NAV3: variants seen among roughly 807,000 people sequenced by gnomAD.
NAV3 encodes the protein neuron navigator 3, also known as pore membrane and/or filament interacting like protein 1.
NAV3 carries 87 observed loss-of-function variants against 244.7 expected under a neutral mutation model. The ratio of observed to expected loss-of-function variants is 0.36; its 90% confidence interval spans 0.30 to 0.42. The LOEUF (loss-of-function observed/expected upper bound fraction) is 0.42. NAV3 is among the 20% of genes least tolerant of loss of function. NAV3 has a pLI of 1.00. For missense variants in NAV3, 2,663 were observed against 2,893.3 expected (o/e 0.92, Z 1.83); for synonymous variants, 1,126 against 1,042.2 (o/e 1.08, Z -1.55).
intron 39 of NAV3, among the ~76,000 whole-genome samples, chr12:78,209,760 T>C (rs1245496702): frequency 3.3e-5 from 5 of 152,146 alleles, no homozygotes; most frequent in East Asian, 3.8e-4. Flanking sequence ...CAGATGATAG[T>C]TTTTGTTTTC....
intron 5 of NAV3, among the ~76,000 whole-genome samples, chr12:77,979,789 G>T (rs74848288): frequency 9.5e-4 from 143 of 151,034 alleles, no homozygotes; most frequent in African/African-American, 3.3e-3. Context: ...GATGTTTTGT[G>T]ACCCCAGTCA....
intron 1 of NAV3, among the ~76,000 whole-genome samples, chr12:77,912,337 T>C (rs1223147619): frequency 1.3e-5 from 2 of 152,076 alleles, no homozygotes; most frequent in African/African-American, 4.8e-5. Context: ...AAGCCATGTG[T>C]CTACAGGCCA....
At chr12:77,992,711 G>A (rs974949914) in intron 5 of NAV3, among the ~76,000 whole-genome samples, 2 of 152,098 alleles carry the variant, frequency 1.3e-5, no homozygotes, top group Non-Finnish European at 2.9e-5. Flanking sequence ...TGAGGAAAGA[G>A]GATATACTCT....
chr12:78,095,064 TACACACACACAC>T (rs56856471), intron 12 of NAV3, among the ~76,000 whole-genome samples: 1 of 137,576 alleles, frequency 7.3e-6, no homozygotes. Flanking sequence ...TATATATATA[TACACACACACAC>T]ACACACACAC....
chr12:77,943,402 A>G (rs1890056693), intron 3 of NAV3, among the ~76,000 whole-genome samples: 1 of 152,342 alleles, frequency 6.6e-6, no homozygotes, highest in Non-Finnish European at 1.5e-5. Flanking sequence ...AATGACTTAG[A>G]TCCTCATTTC....
At chr12:78,101,934 A>G (rs923258299) in intron 12 of NAV3, among the ~76,000 whole-genome samples, 12 of 152,202 alleles carry the variant, frequency 7.9e-5, no homozygotes, top group African/African-American at 2.9e-4. Flanking sequence ...TTTAAAAAGT[A>G]TATCTCTTTC....
rs1958472947 is a variant in NAV3, at chr12:78,180,969, C to T, written c.5616C>T (p.Ser1872=). The T allele has an allele frequency of 6.2e-7, 1 of 1,613,278 alleles. No individual in the cohort carries two copies. The highest frequency in any genetic ancestry group is 1.3e-5 in the African/African-American group (1 of 74,962). ...PTRPPSESSS[S]TSSSSSRQSL... Reference sequence around the variant, plus strand: ...GGCCACCGTCAGAATCCTCAAGCAGCACCTCCTCTTCATCTTCCAGGCAGT... The same window carrying T: ...GGCCACCGTCAGAATCCTCAAGCAGTACCTCCTCTTCATCTTCCAGGCAGT... The change falls in exon 30 of 40, where the codon AGC becomes AGT. Residue 1872 remains serine, a synonymous_variant. Coordinates refer to ENST00000397909, the MANE Select transcript of NAV3 (RefSeq NM_001024383.2).
chr12:77,831,219 A>AGAGAGAGAAAG lies in NAV3; in HGVS notation c.-243_-242insGAGAGAGAAAG. The AGAGAGAGAAAG allele has an allele frequency of 6.8e-6, 1 of 147,658 alleles. No homozygotes were observed. 9.1% of individuals were successfully genotyped at this position (147,658 alleles called of 1,614,324 possible). A position where few individuals can be genotyped will look rare whatever the true frequency, so the allele number is the denominator to read the frequency against. On this transcript the variant is annotated 5_prime_UTR_variant, in exon 1 of 40. Transcript: ENST00000397909. ...ACAGAGAGAGAGAGAGAGAGAGAGA[A>AGAGAGAGAAAG]AGAGAGAGAGAGAGAGAATGAGAAT...
chr12:77,752,689 T>C lies in NAV3; in HGVS notation c.72+180423T>C, dbSNP rs146651365. The stretch of plus-strand genomic sequence containing the variant: ...CTCACTGAGCCTTTTTTTCCTCAAC[T>C]GTAAAATGAGATATTAATAGTCTCT... On this transcript the variant is annotated intron_variant, in intron 2 of 8. Coordinates refer to the NAV3 transcript ENST00000550042. Among the ~76,000 whole-genome samples the C allele has an allele frequency of 1.2e-3, 183 of 152,244 alleles. 1 individual carries two copies. The highest frequency in any genetic ancestry group is 4.3e-3 in the African/African-American group (177 of 41,550).
intron 1 of NAV3, among the ~76,000 whole-genome samples, chr12:77,862,344 G>C (rs1460964505): frequency 6.6e-6 from 1 of 151,772 alleles, no homozygotes. Flanking sequence ...CAAAGATGAT[G>C]AGCTATCTTG....
intron 9 of NAV3, among the ~76,000 whole-genome samples, chr12:78,040,774 T>G (rs991367013): frequency 5.9e-5 from 9 of 152,150 alleles, no homozygotes; most frequent in African/African-American, 2.2e-4. Flanking sequence ...CTTTTTATCT[T>G]TCACCTACAA....
intron 2 of NAV3, among the ~76,000 whole-genome samples, chr12:77,747,184 C>T (rs1387244992): frequency 1.3e-5 from 2 of 151,948 alleles, no homozygotes; most frequent in Non-Finnish European, 2.9e-5. Context: ...TTACTGTTTG[C>T]CAGATTAAAA....
At chr12:77,771,395 C>T (rs925156739) in intron 2 of NAV3, among the ~76,000 whole-genome samples, 20 of 152,104 alleles carry the variant, frequency 1.3e-4, no homozygotes, top group Admixed American at 2.0e-4. Context: ...ACCATTTGAC[C>T]CAGCCATCCC....
intron 11 of NAV3, among the ~76,000 whole-genome samples, chr12:78,056,944 G>A (rs1262299818): frequency 6.6e-6 from 1 of 152,130 alleles, no homozygotes; most frequent in Non-Finnish European, 1.5e-5. Context: ...TTTTTTCCAT[G>A]TACTCTAGGT....
intron 2 of NAV3, among the ~76,000 whole-genome samples, chr12:77,786,614 G>A (rs984753626): frequency 2.0e-5 from 3 of 152,138 alleles, no homozygotes; most frequent in African/African-American, 4.8e-5. Context: ...CAGTTCAGAT[G>A]GAGGTAGATA....
At chr12:77,775,281 A>G (rs1342324101) in intron 2 of NAV3, among the ~76,000 whole-genome samples, 1 of 151,576 alleles carries the variant, frequency 6.6e-6, no homozygotes, top group African/African-American at 2.4e-5. Context: ...ATTTCCAGCT[A>G]CTCGGGAGGC....
intron 5 of NAV3, among the ~76,000 whole-genome samples, chr12:77,988,326 G>A (rs1048721449): frequency 2.0e-5 from 3 of 152,170 alleles, no homozygotes; most frequent in East Asian, 3.9e-4. Context: ...CCACAGATTC[G>A]GCCCTGTTTA....
intron 1 of NAV3, among the ~76,000 whole-genome samples, chr12:77,876,796 T>C (rs1881906742): frequency 6.6e-6 from 1 of 152,136 alleles, no homozygotes; most frequent in South Asian, 2.1e-4. Flanking sequence ...GGATTTAGGA[T>C]TAAAATTTGG....
intron 2 of NAV3, among the ~76,000 whole-genome samples, chr12:77,784,732 G>A (rs1389046157): frequency 1.3e-5 from 2 of 152,020 alleles, no homozygotes; most frequent in African/African-American, 2.4e-5. Flanking sequence ...TTAGAAGTGA[G>A]GCCATTCAGG....
Sources: gnomAD v4.1 joint callset for allele counts (sites outside exome capture counted in the v4.1 genomes callset) on GRCh38, gnomAD v4.1.1 for gene constraint, MANE v1.5 for transcripts, NCBI Gene and HGNC (gene_info 2026-07-23, HGNC 2026-07-21) for gene names.